Variants in TRIM5 observed in about 807,000 individuals in gnomAD.
TRIM5 encodes the protein tripartite motif containing 5, also known as tripartite motif-containing protein 5.
Under a neutral mutation model 35.6 loss-of-function variants are expected in TRIM5, and 31 were observed. The ratio of observed to expected loss-of-function variants is 0.87; its 90% confidence interval spans 0.65 to 1.18. The LOEUF (loss-of-function observed/expected upper bound fraction) is 1.18, where lower values mean the gene tolerates loss of function less well. Among genes scored for constraint, TRIM5 ranks in the 50% most tolerant of loss-of-function variants. The pLI, the probability that TRIM5 is intolerant of heterozygous loss-of-function variation, is 0.00. For synonymous variants in TRIM5, 243 were observed against 215.6 expected (o/e 1.13, Z -1.11); for missense variants, 609 against 591.6 (o/e 1.03, Z -0.31).
chr11:5,599,249 G>T, the TRIM5 span, among the ~76,000 whole-genome samples: 1 of 152,142 alleles, frequency 6.6e-6, no homozygotes, highest in African/African-American at 2.4e-5. Context: ...GCATTTATGA[G>T]GCAGTAGTTC....
chr11:5,650,197 T>A, the TRIM5 span, among the ~76,000 whole-genome samples: 1 of 152,314 alleles, frequency 6.6e-6, no homozygotes, highest in African/African-American at 2.4e-5. Flanking sequence ...AATGCTGACT[T>A]TTCCATGATG....
chr11:5,669,300 G>A (rs1054075962), intron 4 of TRIM5, among the ~76,000 whole-genome samples: 3 of 151,274 alleles, frequency 2.0e-5, no homozygotes, highest in East Asian at 1.9e-4. Context: ...GGCTGGTCTT[G>A]AACTCCCAAC....
chr11:5,613,966 T>A, the TRIM5 span, among the ~76,000 whole-genome samples: 3 of 152,172 alleles, frequency 2.0e-5, no homozygotes, highest in Non-Finnish European at 4.4e-5. Context: ...TGACTTTAGA[T>A]AATAGTGAAA....
At chr11:5,591,911 T>C in the TRIM5 span, among the ~76,000 whole-genome samples, 16 of 152,180 alleles carry the variant, frequency 1.1e-4, no homozygotes, top group African/African-American at 3.9e-4. Flanking sequence ...GCTGTGGCAA[T>C]TGAAAAACAG....
At chr11:5,648,754 G>C in the TRIM5 span, among the ~76,000 whole-genome samples, 1 of 152,142 alleles carries the variant, frequency 6.6e-6, no homozygotes, top group Non-Finnish European at 1.5e-5. Flanking sequence ...GATGGGACGT[G>C]TTTATAAGGA....
chr11:5,656,516 G>A, the TRIM5 span, among the ~76,000 whole-genome samples: 9 of 152,100 alleles, frequency 5.9e-5, no homozygotes, highest in East Asian at 7.7e-4. Flanking sequence ...CACCATGCCC[G>A]GCTAGTTTTG....
chr11:5,610,412 G>T, the TRIM5 span: 1 of 1,588,896 alleles, frequency 6.3e-7, no homozygotes, highest in Non-Finnish European at 8.6e-7. Context: ...AAGGGGAGAT[G>T]AAATGGCCAG....
chr11:5,651,382 A>G, the TRIM5 span, among the ~76,000 whole-genome samples: 62 of 152,236 alleles, frequency 4.1e-4, no homozygotes, highest in Non-Finnish European at 7.2e-4. Flanking sequence ...TAGTTTTTCA[A>G]TTCTTACCCT....
At chr11:5,636,002 G>A in the TRIM5 span, among the ~76,000 whole-genome samples, 2 of 152,190 alleles carry the variant, frequency 1.3e-5, no homozygotes, top group Non-Finnish European at 2.9e-5. Context: ...TGTAAAGAGA[G>A]TTCTCATGTG....
intron 4 of TRIM5, among the ~76,000 whole-genome samples, chr11:5,676,589 T>C (rs552819672): frequency 1.3e-4 from 20 of 151,334 alleles, no homozygotes; most frequent in African/African-American, 4.6e-4. Context: ...CTTCACAGAA[T>C]TGGAAAAAAC....
At chr11:5,678,558 C>A in intron 3 of TRIM5, 124 bp from the exon 4 acceptor site, 1 of 708,400 alleles carries the variant, frequency 1.4e-6, no homozygotes, top group Non-Finnish European at 2.3e-6. Context: ...GAGAGTAGGT[C>A]TTAGGAAAGC....
chr11:5,633,742 G>T, the TRIM5 span: 4 of 1,489,742 alleles, frequency 2.7e-6, no homozygotes, highest in Admixed American at 2.3e-5. Context: ...TTCCCTGTTT[G>T]TCCTCTATCC....
intron 4 of TRIM5, 148 bp from the exon 5 acceptor site, chr11:5,667,859 C>A: frequency 1.3e-6 from 1 of 770,134 alleles, no homozygotes; most frequent in East Asian, 2.9e-5. Flanking sequence ...AGACTCAAGG[C>A]AATCATCCCA....
chr11:5,603,821 T>C, the TRIM5 span: 13 of 1,512,342 alleles, frequency 8.6e-6, no homozygotes, highest in African/African-American at 1.4e-5. Context: ...CTAATCTCTT[T>C]GTAGTCTTTA....
At chr11:5,670,386 C>T (rs1177531727) in intron 4 of TRIM5, among the ~76,000 whole-genome samples, 1 of 151,508 alleles carries the variant, frequency 6.6e-6, no homozygotes, top group Non-Finnish European at 1.5e-5. Flanking sequence ...GGGTTTTCAC[C>T]GTGTAAGCCA....
chr11:5,634,530 C>CACACACATATATATATATATAT, the TRIM5 span: 6 of 203,906 alleles, frequency 2.9e-5, no homozygotes, highest in African/African-American at 2.1e-4. Flanking sequence ...CACACACACA[C>CACACACATATATATATATATAT]ATATATATAT....
rs1852305939 is a variant in TRIM5, at chr11:5,679,996, C to A, written c.182G>T (p.Ser61Ile). The change falls in exon 2 of 8, where the codon AGT becomes ATT. Residue 61 changes from serine to isoleucine, a missense_variant. By Grantham distance (142) the Ser-to-Ile change is moderately radical. Coordinates refer to ENST00000380034, the MANE Select transcript of TRIM5 (RefSeq NM_033034.3). ...AGGCCGTATGTTCTCAGGCTGGTAA[C>A]TGATCCGGCACACAGGGCAGCTACT... is the stretch of plus-strand genomic sequence containing the variant. Reference protein sequence around the residue: ...GESSCPVCRISYQPENIRPNR... With the variant: ...GESSCPVCRIIYQPENIRPNR... 12 of 1,614,158 alleles carry A rather than the reference C, an allele frequency of 7.4e-6. No homozygotes were observed. Among genetic ancestry groups the A allele is most frequent in the Non-Finnish European group, 8.5e-6 (10 of 1,180,006 alleles).
the TRIM5 span, among the ~76,000 whole-genome samples, chr11:5,653,245 T>C: frequency 1.7e-4 from 26 of 152,330 alleles, no homozygotes; most frequent in African/African-American, 6.3e-4. Context: ...TTCTTCTTTT[T>C]GTGGCTGTTG....
chr11:5,642,640 G>A, the TRIM5 span: 9 of 1,389,070 alleles, frequency 6.5e-6, no homozygotes, highest in African/African-American at 1.5e-5. Flanking sequence ...ATTCTGTGGT[G>A]AAGAGGATGC....
Sources: gnomAD v4.1 joint callset for allele counts (sites outside exome capture counted in the v4.1 genomes callset) on GRCh38, gnomAD v4.1.1 for gene constraint, MANE v1.5 for transcripts, NCBI Gene and HGNC (gene_info 2026-07-23, HGNC 2026-07-21) for gene names.